The following TRAPPC9 variants were observed in gnomAD, a reference collection of about 807,000 sequenced individuals.
TRAPPC9 encodes the protein IKK2 binding protein.
TRAPPC9 carries 83 observed loss-of-function variants against 124.0 expected under a neutral mutation model. That is an observed-to-expected ratio of 0.67 (90% confidence interval 0.56 to 0.80). The LOEUF is 0.80. TRAPPC9 is among the 30% of genes least tolerant of loss of function. The pLI, the probability that TRAPPC9 is intolerant of heterozygous loss-of-function variation, is 0.00. For missense variants in TRAPPC9, 1,302 were observed against 1,508.3 expected, an observed-to-expected ratio of 0.86 and a Z score of 2.27; for synonymous variants, 638 against 617.5, an observed-to-expected ratio of 1.03 and a Z score of -0.49.
At chr8:139,744,502 A>G (rs752131700) in intron 21 of TRAPPC9, among the ~76,000 whole-genome samples, 4 of 152,176 alleles carry the variant, frequency 2.6e-5, no homozygotes, top group South Asian at 2.1e-4. Context: ...CGTGTCCCAG[A>G]GCACTGCTCT....
chr8:140,428,855 T>C (rs972063372), intron 4 of TRAPPC9, among the ~76,000 whole-genome samples: 5 of 152,156 alleles, frequency 3.3e-5, no homozygotes, highest in African/African-American at 1.2e-4. Context: ...ACACAAATGA[T>C]TAATGCAAAC....
At chr8:139,738,259 G>C (rs140695592) in intron 21 of TRAPPC9, among the ~76,000 whole-genome samples, 139 of 152,316 alleles carry the variant, frequency 9.1e-4, no homozygotes, top group African/African-American at 3.1e-3. Context: ...ACTAAAGGTC[G>C]AAACATGCCT....
intron 21 of TRAPPC9, among the ~76,000 whole-genome samples, chr8:139,754,509 G>C (rs953402541): frequency 6.6e-6 from 1 of 152,192 alleles, no homozygotes; most frequent in African/African-American, 2.4e-5. Flanking sequence ...CGAGATCACA[G>C]ACCCTTCCTG....
intron 4 of TRAPPC9, 127 bp downstream of exon 4, chr8:140,434,984 AT>A: frequency 6.9e-7 from 1 of 1,455,592 alleles, no homozygotes; most frequent in Non-Finnish European, 9.2e-7. Flanking sequence ...AAAAAAAAAA[AT>A]TACTGACTCA....
At chr8:139,927,265 T>C (rs1046068756) in intron 19 of TRAPPC9, among the ~76,000 whole-genome samples, 1 of 149,844 alleles carries the variant, frequency 6.7e-6, no homozygotes, top group Admixed American at 6.7e-5. Context: ...TTTTTTTTTT[T>C]AGACAGTCTC....
chr8:140,066,614 G>A lies in TRAPPC9; in HGVS notation c.2557-42535C>T, dbSNP rs560977558. Among the ~76,000 whole-genome samples the A allele has an allele frequency of 3.3e-4, 51 of 152,276 alleles. 1 individual carries two copies. In the South Asian group the frequency reaches 6.6e-3, roughly 20 times the overall value. ...ACTCTAGACTACAATTTGTAAATAC[G>A]TCAATGTAAAGACATTAATCAGTGA... is the stretch of plus-strand genomic sequence containing the variant. On this transcript the variant is annotated intron_variant, in intron 17 of 22. Transcript: ENST00000438773.
At chr8:140,151,573 G>C (rs2061544166) in intron 17 of TRAPPC9, among the ~76,000 whole-genome samples, 1 of 152,108 alleles carries the variant, frequency 6.6e-6, no homozygotes, top group Admixed American at 6.5e-5. Context: ...TTTCTATGAG[G>C]ACACCAGGCA....
chr8:139,940,660 C>T (rs1362493963), intron 19 of TRAPPC9, among the ~76,000 whole-genome samples: 2 of 151,968 alleles, frequency 1.3e-5, no homozygotes, highest in South Asian at 2.1e-4. Flanking sequence ...ATGGCAGCTC[C>T]ACTGTCACCC....
intron 20 of TRAPPC9, among the ~76,000 whole-genome samples, chr8:139,891,744 TGTG>T (rs1423952253): frequency 2.6e-5 from 4 of 152,108 alleles, no homozygotes; most frequent in Admixed American, 6.5e-5. Flanking sequence ...TCTGCACACT[TGTG>T]GGGGTGGGCA....
intron 9 of TRAPPC9, among the ~76,000 whole-genome samples, chr8:140,330,000 A>C (rs2131994377): frequency 6.6e-6 from 1 of 152,190 alleles, no homozygotes; most frequent in African/African-American, 2.4e-5. Context: ...AATCACTTGA[A>C]CCTGGGAGGC....
chr8:139,968,351 A>C (rs1193271268), intron 19 of TRAPPC9, among the ~76,000 whole-genome samples: 1 of 152,144 alleles, frequency 6.6e-6, no homozygotes, highest in Non-Finnish European at 1.5e-5. Context: ...GCCCCACTTA[A>C]AAGTCTTATG....
At chr8:140,152,355 C>CTTTTTTTT (rs34124150) in intron 17 of TRAPPC9, among the ~76,000 whole-genome samples, 9 of 93,854 alleles carry the variant, frequency 9.6e-5, no homozygotes, top group Admixed American at 2.7e-4. Flanking sequence ...ATATTGCCAT[C>CTTTTTTTT]TTTTTTTTTT....
intron 21 of TRAPPC9, among the ~76,000 whole-genome samples, chr8:139,838,116 C>T (rs1386121901): frequency 6.6e-6 from 1 of 152,294 alleles, no homozygotes; most frequent in Middle Eastern, 3.4e-3. Flanking sequence ...CTCCCAGTTC[C>T]CCACAGCCAC....
chr8:139,906,952 G>A (rs1831402788), intron 20 of TRAPPC9, among the ~76,000 whole-genome samples: 1 of 152,150 alleles, frequency 6.6e-6, no homozygotes, highest in Non-Finnish European at 1.5e-5. Context: ...TGAACCCTGG[G>A]CCCTCTTCAT....
At chr8:140,102,177 T>C (rs1384364567) in intron 17 of TRAPPC9, among the ~76,000 whole-genome samples, 2 of 152,204 alleles carry the variant, frequency 1.3e-5, no homozygotes, top group Non-Finnish European at 2.9e-5. Flanking sequence ...AGACAATAAA[T>C]GTGGTATTTG....
intron 19 of TRAPPC9, among the ~76,000 whole-genome samples, chr8:139,983,155 G>A (rs1331381018): frequency 6.6e-6 from 1 of 152,168 alleles, no homozygotes; most frequent in Non-Finnish European, 1.5e-5. Flanking sequence ...CTCCCACCAT[G>A]TGAGGACACA....
At chr8:139,990,933 C>T (rs992759678) in intron 18 of TRAPPC9, among the ~76,000 whole-genome samples, 5 of 152,112 alleles carry the variant, frequency 3.3e-5, no homozygotes, top group African/African-American at 1.2e-4. Flanking sequence ...CAGGGTGCCG[C>T]ACACCTTGAG....
At chr8:140,206,752 CATACATATAT>C (rs549448558) in intron 17 of TRAPPC9, among the ~76,000 whole-genome samples, 2 of 149,042 alleles carry the variant, frequency 1.3e-5, no homozygotes, top group East Asian at 3.9e-4. Flanking sequence ...CATACATATA[CATACATATAT>C]ATATATATAT....
chr8:139,931,268 C>T (rs1833127366), intron 19 of TRAPPC9: 1 of 152,242 alleles, frequency 6.6e-6, no homozygotes, highest in South Asian at 2.1e-4. Flanking sequence ...ACGTAATCCT[C>T]ACCGCAACCA....
Sources: gnomAD v4.1 joint callset for allele counts (sites outside exome capture counted in the v4.1 genomes callset) on GRCh38, gnomAD v4.1.1 for gene constraint, MANE v1.5 for transcripts, NCBI Gene and HGNC (gene_info 2026-07-23, HGNC 2026-07-21) for gene names.